HSDL1: variants seen among roughly 807,000 people sequenced by gnomAD.
HSDL1 encodes the protein inactive hydroxysteroid dehydrogenase-like protein 1.
HSDL1 carries 29 observed loss-of-function variants against 31.5 expected under a neutral mutation model. The ratio of observed to expected loss-of-function variants is 0.92; its 90% CI spans 0.69 to 1.26. The LOEUF is 1.26. HSDL1 is among the 50% of genes most tolerant of loss of function. The pLI is 0.00. For missense variants in HSDL1, 503 were observed against 416.6 expected (o/e 1.21, Z -1.81); for synonymous variants, 222 against 155.2 (o/e 1.43, Z -3.20).
At chr16:84,131,482 A>AGTCTGTCTGTCTGTCTGTCTGTCTGTCT (rs199649791) in intron 2 of HSDL1, among the ~76,000 whole-genome samples, 155 bp from the exon 3 acceptor site, 2 of 139,232 alleles carry the variant, frequency 1.4e-5, no homozygotes, top group African/African-American at 5.8e-5. Context: ...TCACAGTTTC[A>AGTCTGTCTGTCTGTCTGTCTGTCTGTCT]GTCTATCTAT....
chr16:84,141,743 A>G (rs942321095), intron 1 of HSDL1, among the ~76,000 whole-genome samples: 1 of 152,148 alleles, frequency 6.6e-6, no homozygotes, highest in African/African-American at 2.4e-5. Context: ...TTCCCTGGTT[A>G]CTAGTAAGGC....
At chr16:84,141,101 A>G (rs1438903478) in intron 1 of HSDL1, among the ~76,000 whole-genome samples, 1 of 151,978 alleles carries the variant, frequency 6.6e-6, no homozygotes. Context: ...AAACAAAAAA[A>G]AAAACAGTAT....
chr16:84,131,036 C>T (rs982310511), intron 3 of HSDL1, 66 bp downstream of exon 3: 3 of 1,284,080 alleles, frequency 2.3e-6, no homozygotes, highest in African/African-American at 1.5e-5. Context: ...ACATTAAATT[C>T]AATAGCTCCT....
chr16:84,142,138 G>C (rs2086774551), intron 1 of HSDL1, among the ~76,000 whole-genome samples: 1 of 152,094 alleles, frequency 6.6e-6, no homozygotes, highest in African/African-American at 2.4e-5. Flanking sequence ...ATGTTGCCCA[G>C]GCTGGTCTCA....
intron 1 of HSDL1, among the ~76,000 whole-genome samples, chr16:84,136,632 A>C (rs1272707089): frequency 6.6e-6 from 1 of 152,238 alleles, no homozygotes; most frequent in Non-Finnish European, 1.5e-5. Context: ...CACCCACTGC[A>C]GAGGTGAGTA....
rs535754385 is a variant in HSDL1, at chr16:84,127,805, G to A, written c.894+1743C>T. Among the ~76,000 whole-genome samples, 9 of 144,806 alleles carry A rather than the reference G, an allele frequency of 6.2e-5. No individual in the cohort carries two copies. The East Asian group carries it at 1.9e-3, about 31-fold the overall frequency. 95.0% of individuals were successfully genotyped at this position (144,806 alleles called of 152,430 possible). ...GTGATCTCGGCTCACTGCAAGCTCT[G>A]CCTCCCGGGTTCACGCCATTCTCCT... On this transcript the variant is annotated intron_variant, in intron 5 of 5. Transcript: ENST00000219439.
rs765170871 is a variant in HSDL1 at position 84,130,267 on chromosome 16, C to G, written c.385G>C (p.Gly129Arg). The change falls in exon 4 of 6, where the codon GGT (glycine) becomes CGT (arginine). Residue 129 changes from glycine to arginine, a missense_variant. Coordinates refer to ENST00000219439, the MANE Select transcript of HSDL1 (RefSeq NM_031463.5). ...CGAATTGGAAGGTAGATCTCACGAC[C>G]GCTGCTGAAGTCCGCAACTATAATA... Reference protein sequence around the residue: ...TDIIVADFSSGREIYLPIREA... With the variant: ...TDIIVADFSSRREIYLPIREA... 1.2e-6 allele frequency: 2 copies of G among 1,613,982 alleles called. No homozygotes were observed. The highest frequency in any genetic ancestry group is 1.7e-6 in the Non-Finnish European group (2 of 1,180,042).
chr16:84,125,087 C>G (rs1025040158), intron 5 of HSDL1: 8 of 198,412 alleles, frequency 4.0e-5, no homozygotes, highest in Non-Finnish European at 7.3e-5. Flanking sequence ...ACCCACCAAT[C>G]AATCACAACA....
intron 1 of HSDL1, among the ~76,000 whole-genome samples, chr16:84,140,001 G>A (rs375490011): frequency 3.5e-4 from 54 of 152,164 alleles, no homozygotes; most frequent in African/African-American, 4.8e-4. Flanking sequence ...CTTCTCCTCC[G>A]TTCAATCACT....
At chr16:84,144,001 G>C (rs2086803082) in intron 1 of HSDL1, among the ~76,000 whole-genome samples, 1 of 151,828 alleles carries the variant, frequency 6.6e-6, no homozygotes, top group South Asian at 2.1e-4. Context: ...CCGGGCGACA[G>C]AGCGAGATTG....
At chr16:84,131,470 G>T in intron 2 of HSDL1, 143 bp from the exon 3 acceptor site, 1 of 628,700 alleles carries the variant, frequency 1.6e-6, no homozygotes. Context: ...AATGTACGTG[G>T]CTCACAGTTT....
At chr16:84,144,015 G>GAATC (rs1471992621) in intron 1 of HSDL1, among the ~76,000 whole-genome samples, 1 of 150,490 alleles carries the variant, frequency 6.6e-6, no homozygotes, top group Non-Finnish European at 1.5e-5. Context: ...GAGATTGTCT[G>GAATC]AATCAATCAA....
chr16:84,144,035 A>ACCCCCCCCCCCCCCCCCCC (rs2086804257), intron 1 of HSDL1, among the ~76,000 whole-genome samples: 3 of 112,882 alleles, frequency 2.7e-5, no homozygotes, highest in Admixed American at 1.8e-4. Context: ...ATCAATCAAC[A>ACCCCCCCCCCCCCCCCCCC]CCCTCCCCCT....
intron 1 of HSDL1, among the ~76,000 whole-genome samples, chr16:84,138,528 T>C (rs1567523786): frequency 2.0e-5 from 3 of 152,232 alleles, no homozygotes; most frequent in African/African-American, 7.2e-5. Flanking sequence ...AATTTGGTTG[T>C]GGTGATCATT....
intron 2 of HSDL1, among the ~76,000 whole-genome samples, chr16:84,134,247 C>T (rs1051608153): frequency 6.6e-6 from 1 of 152,182 alleles, no homozygotes; most frequent in African/African-American, 2.4e-5. Context: ...AGTTTTCACA[C>T]TGGCTGTAGC....
intron 5 of HSDL1, among the ~76,000 whole-genome samples, chr16:84,127,301 C>T (rs945255295): frequency 3.3e-5 from 5 of 150,802 alleles, no homozygotes; most frequent in Admixed American, 6.6e-5. Flanking sequence ...CTGCCACCTC[C>T]GCATCCTGGG....
chr16:84,141,076 A>C (rs1013263790), intron 1 of HSDL1, among the ~76,000 whole-genome samples: 18 of 151,232 alleles, frequency 1.2e-4, no homozygotes, highest in African/African-American at 4.4e-4. Context: ...GGGCGACAGA[A>C]CGAGACTCCG....
At chr16:84,125,359 C>T (rs550193928) in intron 5 of HSDL1, among the ~76,000 whole-genome samples, 53 of 150,898 alleles carry the variant, frequency 3.5e-4, no homozygotes, top group African/African-American at 1.2e-3. Context: ...CAAACACCCA[C>T]CAATCAATCA....
Position 84,129,974 on chromosome 16 carries a change from G to A in HSDL1, c.666+12C>T, listed in dbSNP as rs761751782. Reference sequence around the variant, plus strand: ...GCATTAGGATTTCATCTTCCAGTAAGTAACATCTGACCTTAGAAGCAGAAA... The same window carrying A: ...GCATTAGGATTTCATCTTCCAGTAAATAACATCTGACCTTAGAAGCAGAAA... On this transcript the variant is annotated intron_variant, in intron 4 of 5. Transcript: ENST00000219439. 4.4e-6 allele frequency: 7 copies of A among 1,606,682 alleles called. No individual in the cohort carries two copies. The African/African-American group carries it at 8.0e-5, about 18-fold the overall frequency.
Sources: gnomAD v4.1 joint callset for allele counts (sites outside exome capture counted in the v4.1 genomes callset) on GRCh38, gnomAD v4.1.1 for gene constraint, MANE v1.5 for transcripts, NCBI Gene and HGNC (gene_info 2026-07-23, HGNC 2026-07-21) for gene names.